The following PLEKHD1 variants were observed in gnomAD, a reference collection of about 807,000 sequenced individuals.
PLEKHD1 encodes pleckstrin homology domain-containing family D member 1.
PLEKHD1 carries 51 observed loss-of-function variants against 69.2 expected under a neutral mutation model. The observed-to-expected ratio is 0.74, with a 90% CI of 0.59 to 0.93. PLEKHD1 has a LOEUF of 0.93. PLEKHD1 is among the 40% of genes least tolerant of loss of function. The pLI is 0.00. For synonymous variants in PLEKHD1, 236 were observed against 244.7 expected (o/e 0.96, Z 0.33); for missense variants, 584 against 641.0 (o/e 0.91, Z 0.96).
At chr14:69,470,352 A>T in the PLEKHD1 span, among the ~76,000 whole-genome samples, 3 of 151,636 alleles carry the variant, frequency 2.0e-5, no homozygotes, top group African/African-American at 7.3e-5. Flanking sequence ...AGTCCCAGCT[A>T]CTCGGGATAC....
chr14:69,520,752 ATTATAT>A (rs1883494725), intron 6 of PLEKHD1, among the ~76,000 whole-genome samples: 1 of 152,174 alleles, frequency 6.6e-6, no homozygotes, highest in Non-Finnish European at 1.5e-5. Flanking sequence ...TACAATTTTA[ATTATAT>A]TTATATTATG....
chr14:69,483,511 T>A (rs189461098), upstream of PLEKHD1, among the ~76,000 whole-genome samples: 747 of 152,230 alleles, frequency 4.9e-3, 6 homozygotes, highest in Non-Finnish European at 8.4e-3. Flanking sequence ...TGAAGAAACT[T>A]TCTGCAGGTG....
rs1373235626 is a variant in PLEKHD1 at position 69,530,851 on chromosome 14, G to C, written c.*2432G>C. 6.6e-6 allele frequency: 1 copy of C among 152,138 alleles called. No homozygotes were observed. Among genetic ancestry groups the C allele is most frequent in the Non-Finnish European group, 1.5e-5 (1 of 68,008 alleles). The allele number at this position is 152,138 out of a possible 1,614,324, so 9.4% of individuals were successfully genotyped here. ...TAATGACATTAATCCTTTCATAAGG[G>C]AGAGTCTTCATGGCCAAATCACCTC... is the stretch of plus-strand genomic sequence containing the variant. On this transcript the variant is annotated 3_prime_UTR_variant, in exon 13 of 13. Transcript: ENST00000322564.
At chr14:69,499,265 A>T (rs891158346) in intron 1 of PLEKHD1, among the ~76,000 whole-genome samples, 33 of 127,098 alleles carry the variant, frequency 2.6e-4, no homozygotes, top group Admixed American at 9.4e-4. Context: ...ACACACACAC[A>T]CTCACACCAG....
rs538258647 is a variant in PLEKHD1 at position 69,487,672 on chromosome 14, C to T, written c.149+2558C>T. On this transcript the variant is annotated intron_variant, in intron 1 of 12. Transcript: ENST00000322564. ...TTGAGCTGAAGGGTCAACTTATTTC[C>T]TGGGGGCAACAAAAGGGGAAGGGAA... Among the ~76,000 whole-genome samples the T allele has an allele frequency of 1.4e-4, 22 of 152,308 alleles. 1 individual carries two copies. The highest frequency in any genetic ancestry group is 9.8e-4 in the Admixed American group (15 of 15,306).
Position 69,485,122 on chromosome 14 carries a change from C to T in PLEKHD1, c.149+8C>T. Reference sequence around the variant, plus strand: ...GGCCAAGTGGTCCCGGCGGTGAGTGCGCCCCCGCGCCCCAAGGAGACCGCC... The same window carrying T: ...GGCCAAGTGGTCCCGGCGGTGAGTGTGCCCCCGCGCCCCAAGGAGACCGCC... On this transcript the variant is annotated splice_region_variant and intron_variant, in intron 1 of 12. Coordinates refer to ENST00000322564, the MANE Select transcript of PLEKHD1 (RefSeq NM_001161498.2). The T allele has an allele frequency of 6.5e-7, 1 of 1,546,988 alleles. No homozygotes were observed. Among genetic ancestry groups the T allele is most frequent in the Non-Finnish European group, 8.7e-7 (1 of 1,144,880 alleles).
At chr14:69,473,583 C>T in the PLEKHD1 span, among the ~76,000 whole-genome samples, 348 of 152,220 alleles carry the variant, frequency 2.3e-3, 1 homozygote, top group African/African-American at 7.4e-3. Flanking sequence ...TCAGAAAACC[C>T]GGATCCTATT....
At chr14:69,508,479 G>C (rs943439354) in intron 6 of PLEKHD1, among the ~76,000 whole-genome samples, 1 of 152,048 alleles carries the variant, frequency 6.6e-6, no homozygotes, top group South Asian at 2.1e-4. Flanking sequence ...TGAGTGCAGT[G>C]GCGTGATCAC....
intron 1 of PLEKHD1, among the ~76,000 whole-genome samples, chr14:69,498,749 G>A (rs1341071003): frequency 6.6e-6 from 1 of 151,996 alleles, no homozygotes; most frequent in African/African-American, 2.4e-5. Flanking sequence ...CTGGGTTCAA[G>A]TGATTCTCAT....
At chr14:69,505,731 G>T (rs1883137692) in intron 6 of PLEKHD1, among the ~76,000 whole-genome samples, 1 of 152,218 alleles carries the variant, frequency 6.6e-6, no homozygotes, top group Non-Finnish European at 1.5e-5. Context: ...AAAGGCCCTT[G>T]TGCACTGTGT....
chr14:69,490,844 C>T (rs2139494663), intron 1 of PLEKHD1, among the ~76,000 whole-genome samples: 1 of 152,268 alleles, frequency 6.6e-6, no homozygotes, highest in East Asian at 1.9e-4. Context: ...TCCAGTTCCA[C>T]CCCCTACATA....
intron 12 of PLEKHD1, 30 bp from the exon 13 acceptor site, chr14:69,528,220 C>T: frequency 6.4e-7 from 1 of 1,550,650 alleles, no homozygotes. Context: ...GAGCACTGTT[C>T]ACAGGGCTGT....
At position 69,515,213 on chromosome 14, in the gene PLEKHD1, C is replaced by A. The variant is rs537382898; in HGVS notation, c.556-7070C>A. On this transcript the variant is annotated intron_variant, in intron 6 of 12. Coordinates refer to ENST00000322564, the MANE Select transcript of PLEKHD1 (RefSeq NM_001161498.2). The stretch of plus-strand genomic sequence containing the variant: ...ACTCTGTCTCAACAAACCAACCAAC[C>A]AACAAACAAAAAAACAGAATGCTGT... Among the ~76,000 whole-genome samples, 360 of 152,184 alleles carry A rather than the reference C, an allele frequency of 2.4e-3. 1 individual carries two copies. Among genetic ancestry groups the A allele is most frequent in the African/African-American group, 8.4e-3 (347 of 41,528 alleles).
intron 7 of PLEKHD1, among the ~76,000 whole-genome samples, chr14:69,523,374 G>A (rs951258681): frequency 6.6e-6 from 1 of 152,130 alleles, no homozygotes; most frequent in Non-Finnish European, 1.5e-5. Flanking sequence ...ATCAGTGATA[G>A]CCCAGAAACT....
At chr14:69,525,710 G>A (rs1024652918) in intron 8 of PLEKHD1, among the ~76,000 whole-genome samples, 6 of 152,152 alleles carry the variant, frequency 3.9e-5, no homozygotes, top group South Asian at 2.1e-4. Context: ...AGTAGGTGCC[G>A]TCTCCACTGG....
At chr14:69,522,673 C>T (rs1317479963) in intron 7 of PLEKHD1, among the ~76,000 whole-genome samples, 1 of 152,164 alleles carries the variant, frequency 6.6e-6, no homozygotes, top group Non-Finnish European at 1.5e-5. Context: ...GCCTCTCTCA[C>T]CCAGGGCCAG....
chr14:69,476,031 G>A, the PLEKHD1 span, among the ~76,000 whole-genome samples: 5 of 152,176 alleles, frequency 3.3e-5, no homozygotes, highest in Admixed American at 3.3e-4. Flanking sequence ...GCCGAGGCAG[G>A]TGGATCACTT....
At chr14:69,486,987 G>C (rs1882668135) in intron 1 of PLEKHD1, among the ~76,000 whole-genome samples, 1 of 152,196 alleles carries the variant, frequency 6.6e-6, no homozygotes, top group Non-Finnish European at 1.5e-5. Flanking sequence ...CAGAGTCTGA[G>C]CAGTATGTAT....
intron 6 of PLEKHD1, among the ~76,000 whole-genome samples, chr14:69,506,356 C>T (rs940305300): frequency 6.6e-6 from 1 of 152,152 alleles, no homozygotes; most frequent in Admixed American, 6.6e-5. Flanking sequence ...GCAGACAACT[C>T]AGTCTATAAT....
Sources: gnomAD v4.1 joint callset for allele counts (sites outside exome capture counted in the v4.1 genomes callset) on GRCh38, gnomAD v4.1.1 for gene constraint, MANE v1.5 for transcripts, NCBI Gene and HGNC (gene_info 2026-07-23, HGNC 2026-07-21) for gene names.